The following ST6GALNAC3 variants were observed in gnomAD, a reference collection of about 807,000 sequenced individuals.
ST6GALNAC3 encodes the protein ST6 N-acetylgalactosaminide alpha-2,6-sialyltransferase 3.
A neutral mutation model predicts 32.7 loss-of-function variants in ST6GALNAC3; 25 were observed. The ratio of observed to expected loss-of-function variants is 0.76; its 90% CI spans 0.56 to 1.07. The LOEUF is 1.07. ST6GALNAC3 is among the 50% of genes least tolerant of loss of function. The pLI is 0.00. For missense variants in ST6GALNAC3, 355 were observed against 382.4 expected (o/e 0.93, Z 0.60); for synonymous variants, 129 against 133.1 (o/e 0.97, Z 0.21).
chr1:76,404,250 C>T (rs57349323), intron 2 of ST6GALNAC3, among the ~76,000 whole-genome samples: 26,608 of 151,918 alleles, frequency 0.18, 2,991 homozygotes, highest in East Asian at 0.54. Context: ...GAGATTTATA[C>T]ACATTGCTTT....
chr1:76,288,479 C>G (rs762293540), intron 1 of ST6GALNAC3, among the ~76,000 whole-genome samples: 3 of 152,198 alleles, frequency 2.0e-5, no homozygotes, highest in Non-Finnish European at 4.4e-5. Context: ...AAGTTCTAAG[C>G]AGTCCTCACC....
intron 3 of ST6GALNAC3, among the ~76,000 whole-genome samples, chr1:76,463,790 A>G (rs2101604465): frequency 6.6e-6 from 1 of 152,076 alleles, no homozygotes; most frequent in South Asian, 2.1e-4. Flanking sequence ...TTGACCTGTG[A>G]GGCTGGTCAA....
rs1336861387 is a variant in ST6GALNAC3 at position 76,634,213 on chromosome 1, A to G, written c.*5407A>G. ...ATAAAGGTGAAGAACATCTTGATGAATAAACAGTCAACTACCAAGTTCACA... is the reference window on the plus strand; with the variant it reads ...ATAAAGGTGAAGAACATCTTGATGAGTAAACAGTCAACTACCAAGTTCACA... On this transcript the variant is annotated 3_prime_UTR_variant, in exon 5 of 5. Transcript: ENST00000328299. 1.1e-5 allele frequency: 11 copies of G among 959,050 alleles called. No homozygotes were observed. Among genetic ancestry groups the G allele is most frequent in the Non-Finnish European group, 5.0e-6 (4 of 806,072 alleles). 59.4% of individuals were successfully genotyped at this position (959,050 alleles called of 1,614,324 possible).
chr1:76,565,398 G>T (rs551068764), intron 3 of ST6GALNAC3, among the ~76,000 whole-genome samples: 6 of 152,122 alleles, frequency 3.9e-5, no homozygotes, highest in Non-Finnish European at 7.3e-5. Flanking sequence ...GGAGGCATCA[G>T]GATGTGTCTT....
intron 1 of ST6GALNAC3, among the ~76,000 whole-genome samples, chr1:76,272,282 C>T (rs1028590114): frequency 6.8e-6 from 1 of 146,260 alleles, no homozygotes; most frequent in Non-Finnish European, 1.5e-5. Flanking sequence ...GAGATCGCGC[C>T]ACTGCATTTC....
At chr1:76,452,374 C>T (rs181388709) in intron 3 of ST6GALNAC3, among the ~76,000 whole-genome samples, 1 of 152,228 alleles carries the variant, frequency 6.6e-6, no homozygotes, top group South Asian at 2.1e-4. Context: ...TATAAATTAC[C>T]CAGTCTCAGG....
intron 3 of ST6GALNAC3, among the ~76,000 whole-genome samples, chr1:76,417,625 G>C (rs1654735782): frequency 6.6e-6 from 1 of 152,172 alleles, no homozygotes; most frequent in Non-Finnish European, 1.5e-5. Flanking sequence ...GAGATATTCT[G>C]CTTTCCTATG....
chr1:76,483,758 G>T (rs766291419), intron 3 of ST6GALNAC3, among the ~76,000 whole-genome samples: 9 of 152,106 alleles, frequency 5.9e-5, no homozygotes, highest in Non-Finnish European at 1.3e-4. Flanking sequence ...GGCTTTTGTT[G>T]CCATTGCTCT....
chr1:76,109,646 A>G (rs927735750), intron 1 of ST6GALNAC3, among the ~76,000 whole-genome samples: 5 of 152,248 alleles, frequency 3.3e-5, no homozygotes, highest in African/African-American at 1.2e-4. Context: ...CAGGCTGAGC[A>G]GAGAGTGGCA....
intron 1 of ST6GALNAC3, among the ~76,000 whole-genome samples, chr1:76,078,813 C>T (rs1383344665): frequency 6.6e-6 from 1 of 152,030 alleles, no homozygotes; most frequent in Non-Finnish European, 1.5e-5. Flanking sequence ...CAGAGTCTCA[C>T]TCTGTTGCCC....
At chr1:76,212,774 A>G (rs551419143) in intron 1 of ST6GALNAC3, among the ~76,000 whole-genome samples, 2 of 152,306 alleles carry the variant, frequency 1.3e-5, no homozygotes, top group South Asian at 2.1e-4. Flanking sequence ...CAGGATTTTT[A>G]TAAGGAAGCT....
chr1:76,511,256 T>C (rs1304400220), intron 3 of ST6GALNAC3, among the ~76,000 whole-genome samples: 1 of 152,196 alleles, frequency 6.6e-6, no homozygotes, highest in African/African-American at 2.4e-5. Flanking sequence ...ATCCTTTAAC[T>C]CTCATTTGAA....
intron 1 of ST6GALNAC3, among the ~76,000 whole-genome samples, chr1:76,139,101 G>T (rs1650137641): frequency 6.6e-6 from 1 of 152,092 alleles, no homozygotes; most frequent in Admixed American, 6.5e-5. Flanking sequence ...GGCTGAGGCA[G>T]GAGAATGGCG....
At chr1:76,228,647 T>G (rs1445240201) in intron 1 of ST6GALNAC3, among the ~76,000 whole-genome samples, 1 of 152,202 alleles carries the variant, frequency 6.6e-6, no homozygotes, top group Non-Finnish European at 1.5e-5. Flanking sequence ...TTACAAATTA[T>G]TTTTTAATTA....
intron 1 of ST6GALNAC3, among the ~76,000 whole-genome samples, chr1:76,093,512 C>A (rs1052273990): frequency 6.6e-6 from 1 of 152,172 alleles, no homozygotes; most frequent in Non-Finnish European, 1.5e-5. Flanking sequence ...AGTTCAGAGG[C>A]CAGTAAAACA....
At chr1:76,156,485 A>G (rs1429244799) in intron 1 of ST6GALNAC3, among the ~76,000 whole-genome samples, 4 of 151,938 alleles carry the variant, frequency 2.6e-5, no homozygotes, top group African/African-American at 9.7e-5. Flanking sequence ...ATATGGACTC[A>G]TAGAGATTTA....
chr1:76,629,685 T>G lies in ST6GALNAC3; in HGVS notation c.*879T>G. ...AAAAGTAACCAAAGGGTTTGCTAAC[T>G]CTGCTTCAACATCCAACAACACAAA... On this transcript the variant is annotated 3_prime_UTR_variant, in exon 5 of 5. Transcript: ENST00000328299. 2.0e-6 allele frequency: 2 copies of G among 985,544 alleles called. No individual in the cohort carries two copies. Among genetic ancestry groups the G allele is most frequent in the South Asian group, 9.4e-5 (2 of 21,284 alleles). 61.0% of individuals were successfully genotyped at this position (985,544 alleles called of 1,614,324 possible).
intron 3 of ST6GALNAC3, among the ~76,000 whole-genome samples, chr1:76,602,744 C>T (rs2100636870): frequency 1.3e-5 from 2 of 151,352 alleles, no homozygotes; most frequent in African/African-American, 4.8e-5. Flanking sequence ...TTTAATTTAA[C>T]CAATTTGATT....
intron 1 of ST6GALNAC3, among the ~76,000 whole-genome samples, chr1:76,297,439 T>C (rs987642532): frequency 2.0e-5 from 3 of 151,970 alleles, no homozygotes; most frequent in African/African-American, 4.8e-5. Flanking sequence ...TTCTAACTTA[T>C]TGGGGTAGAC....
Sources: gnomAD v4.1 joint callset for allele counts (sites outside exome capture counted in the v4.1 genomes callset) on GRCh38, gnomAD v4.1.1 for gene constraint, MANE v1.5 for transcripts, NCBI Gene and HGNC (gene_info 2026-07-23, HGNC 2026-07-21) for gene names.